Variants in PCDH11X observed in about 807,000 individuals in gnomAD.
PCDH11X encodes protocadherin 11 X-linked.
In PCDH11X, 18 loss-of-function variants were observed where a neutral mutation model predicts 53.3. That is an observed-to-expected ratio of 0.34 (90% CI 0.23 to 0.50). The LOEUF is 0.50. Among genes scored for constraint, PCDH11X ranks in the 20% least tolerant of loss-of-function variants. The probability of loss-of-function intolerance (pLI) is 0.98; values close to 1 mark genes in which losing one functional copy is unlikely to be tolerated. For missense variants in PCDH11X, 570 were observed against 1,032.4 expected (o/e 0.55, Z 6.14); for synonymous variants, 279 against 393.3 (o/e 0.71, Z 3.44).
At chrX:92,494,576 C>T (rs1432711123) in intron 10 of PCDH11X, among the ~76,000 whole-genome samples, 1 of 111,303 alleles carries the variant, frequency 9.0e-6, no homozygotes, top group Non-Finnish European at 1.9e-5. Context: ...TTGTTTTTGC[C>T]AGTGGATTTT....
chrX:92,520,033 C>A (rs1225085998), intron 10 of PCDH11X, among the ~76,000 whole-genome samples: 1 of 106,671 alleles, frequency 9.4e-6, no homozygotes, highest in African/African-American at 3.4e-5. Context: ...TTAGACACCA[C>A]TTGTAAAAAT....
At chrX:91,991,167 G>C (rs1285465770) in intron 6 of PCDH11X, among the ~76,000 whole-genome samples, 1 of 100,957 alleles carries the variant, frequency 9.9e-6, no homozygotes, top group Non-Finnish European at 2.0e-5. Context: ...AAGGATCCTT[G>C]TTACAGTTTG....
At chrX:92,001,725 C>T (rs958108314) in intron 6 of PCDH11X, among the ~76,000 whole-genome samples, 3 of 111,043 alleles carry the variant, frequency 2.7e-5, no homozygotes, top group Non-Finnish European at 5.7e-5. Flanking sequence ...ACCTCAGCCT[C>T]CCAAATTGCT....
At chrX:91,970,382 G>C (rs1016690009) in intron 6 of PCDH11X, among the ~76,000 whole-genome samples, 3 of 111,284 alleles carry the variant, frequency 2.7e-5, no homozygotes, top group African/African-American at 9.8e-5. Context: ...ATGCTGATTG[G>C]TCCATTTTGA....
chrX:92,379,363 C>T (rs773214546), intron 8 of PCDH11X, among the ~76,000 whole-genome samples: 2 of 112,995 alleles, frequency 1.8e-5, no homozygotes, highest in African/African-American at 6.4e-5. Context: ...GAGCTTTTGG[C>T]GGTGCTGACA....
intron 6 of PCDH11X, among the ~76,000 whole-genome samples, chrX:92,001,225 T>C (rs2062503378): frequency 1.8e-5 from 2 of 111,419 alleles, no homozygotes; most frequent in Non-Finnish European, 3.8e-5. Flanking sequence ...TTTCTCCACA[T>C]CCTCCCCAGC....
At chrX:92,521,763 A>T (rs751276152) in intron 10 of PCDH11X, among the ~76,000 whole-genome samples, 1 of 108,489 alleles carries the variant, frequency 9.2e-6, no homozygotes, top group South Asian at 4.2e-4. Flanking sequence ...GAATTACTTT[A>T]GCTAGATCTG....
intron 4 of PCDH11X, among the ~76,000 whole-genome samples, chrX:91,822,558 C>T (rs1936731210): frequency 9.3e-6 from 1 of 107,889 alleles, no homozygotes; most frequent in Non-Finnish European, 1.9e-5. Context: ...TTTGATTCTT[C>T]TCTCTTTTTT....
chrX:92,387,820 G>C lies in PCDH11X; in HGVS notation c.3230G>C (p.Ser1077Thr), dbSNP rs758063721. Residue 1077 changes from serine (S) to threonine (T), a missense_variant, in exon 9 of 11, where the codon AGC becomes ACC. By Grantham distance (58) the Ser-to-Thr change is moderately conservative (BLOSUM62 1). Around this residue, in one of 6 missense-constraint regions of PCDH11X, gnomAD observed 234 missense variants for 296.1 expected, o/e 0.79. Coordinates refer to ENST00000682573, the MANE Select transcript of PCDH11X (RefSeq NM_032968.5). ...DGGLGDHDAG[S>T]LTSTSHGLPL... Reference sequence around the variant, plus strand: ...GGACTGGGAGACCATGATGCAGGCAGCCTTACCAGCACATCTCATGGCCTG... The same window carrying C: ...GGACTGGGAGACCATGATGCAGGCACCCTTACCAGCACATCTCATGGCCTG... 1 of 1,211,791 alleles carries C rather than the reference G, an allele frequency of 8.3e-7. No individual in the cohort carries two copies. The highest frequency in any genetic ancestry group is 1.1e-6 in the Non-Finnish European group (1 of 895,475).
chrX:92,300,357 G>A (rs6618953), intron 8 of PCDH11X, among the ~76,000 whole-genome samples: 2,456 of 111,320 alleles, frequency 0.022, 55 homozygotes, highest in African/African-American at 0.068. Context: ...AGACACTCTG[G>A]CTTTTTGAGT....
intron 9 of PCDH11X, among the ~76,000 whole-genome samples, chrX:92,457,971 G>C: frequency 9.1e-6 from 1 of 109,691 alleles, no homozygotes; most frequent in Non-Finnish European, 1.9e-5. Context: ...CCAGTTTTCT[G>C]TTACATATGC....
intron 6 of PCDH11X, among the ~76,000 whole-genome samples, chrX:92,068,657 C>T (rs1349893496): frequency 3.7e-5 from 4 of 109,410 alleles, no homozygotes; most frequent in Admixed American, 9.9e-5. Flanking sequence ...TTCCAGCCTC[C>T]GTCTCCCAAG....
intron 10 of PCDH11X, among the ~76,000 whole-genome samples, chrX:92,595,269 A>C (rs1485838747): frequency 9.1e-6 from 1 of 110,155 alleles, no homozygotes; most frequent in Non-Finnish European, 1.9e-5. Flanking sequence ...TGACAGGCCC[A>C]AAAAGCCCAA....
chrX:92,166,690 T>C (rs751590047), intron 6 of PCDH11X, among the ~76,000 whole-genome samples: 327 of 109,778 alleles, frequency 3.0e-3, no homozygotes, highest in Non-Finnish European at 4.8e-3. Flanking sequence ...TTGAGCCCAG[T>C]AGTTGGAGAC....
intron 6 of PCDH11X, among the ~76,000 whole-genome samples, chrX:91,970,229 A>G (rs1323680852): frequency 3.6e-5 from 4 of 111,424 alleles, no homozygotes; most frequent in Non-Finnish European, 5.7e-5. Flanking sequence ...GAGTGAAAGA[A>G]CAAAGCTTCC....
intron 4 of PCDH11X, among the ~76,000 whole-genome samples, chrX:91,833,067 A>C (rs1569402182): frequency 1.0e-5 from 1 of 99,920 alleles, no homozygotes; most frequent in East Asian, 3.1e-4. Context: ...AGTTCTCATC[A>C]TTTAGCTCCC....
chrX:92,599,347 T>C (rs1230603443), intron 10 of PCDH11X, among the ~76,000 whole-genome samples: 2 of 111,388 alleles, frequency 1.8e-5, no homozygotes, highest in African/African-American at 6.5e-5. Context: ...TCATCTTGAA[T>C]TGTAGCTCCC....
chrX:92,464,748 A>T (rs1258921003), intron 9 of PCDH11X, among the ~76,000 whole-genome samples: 4 of 109,871 alleles, frequency 3.6e-5, no homozygotes, highest in Non-Finnish European at 7.6e-5. Context: ...TCAATAGGAG[A>T]TTCACTGGGG....
In PCDH11X at chrX:92,322,411, TA is replaced by T. The variant is rs1275145074; in HGVS notation, c.3144+59269del. 2.0e-3 allele frequency among the ~76,000 whole-genome samples: 228 copies of T among 111,404 alleles called. 2 individuals are homozygous for T. The highest frequency in any genetic ancestry group is 7.0e-3 in the African/African-American group (215 of 30,701). ...AATAATCAGAGAAAAAAGTTATTTT[TA>T]TCATCAGTTTACAGATGATGAAATT... On this transcript the variant is annotated intron_variant, in intron 8 of 10. Coordinates refer to ENST00000682573, the MANE Select transcript of PCDH11X (RefSeq NM_032968.5).
Sources: allele counts gnomAD v4.1 joint callset (sites outside exome capture counted in the v4.1 genomes callset), GRCh38; gene constraint gnomAD v4.1.1; regional missense constraint gnomAD v4.1.1; transcripts MANE v1.5; gene names NCBI Gene and HGNC (gene_info 2026-07-23, HGNC 2026-07-21).